RETREG1: variants seen among roughly 807,000 people sequenced by gnomAD.
RETREG1 encodes reticulophagy regulator 1, also known as family with sequence similarity 134 member B.
RETREG1 carries 44 observed loss-of-function variants against 54.8 expected under a neutral mutation model. The observed-to-expected ratio is 0.80, with a 90% confidence interval of 0.63 to 1.03. RETREG1 has a LOEUF of 1.03. Ranked by LOEUF, RETREG1 falls within the 50% of genes least tolerant of loss-of-function variation. The pLI is 0.00. For synonymous variants in RETREG1, 217 were observed against 238.5 expected (o/e 0.91, Z 0.83); for missense variants, 554 against 605.1 (o/e 0.92, Z 0.89).
chr5:16,576,341 G>A (rs555244775), intron 1 of RETREG1, among the ~76,000 whole-genome samples: 10 of 146,594 alleles, frequency 6.8e-5, no homozygotes, highest in Non-Finnish European at 1.3e-4. Flanking sequence ...TCGCCAGGCT[G>A]GAGGGCAGTG....
rs368457852 is a variant in RETREG1 at position 16,477,709 on chromosome 5, G to A, written c.953C>T (p.Thr318Ile). The change falls in exon 8 of 9, where the codon ACC becomes ATC. Residue 318 changes from threonine to isoleucine, a missense_variant. Thr to Ile is a moderately conservative substitution (Grantham distance 89). Transcript: ENST00000306320. ...AGTGTATCCTTCTGAAAGGTTGAAG[G>A]TCCCATTATCAGTCCAGGATACCTC... ...VSEVSWTDNG[T>I]FNLSEGYTPQ... is the part of the protein sequence containing the mutation. 7.8e-5 allele frequency: 126 copies of A among 1,613,006 alleles called. No homozygotes were observed. Among genetic ancestry groups the A allele is most frequent in the Non-Finnish European group, 1.0e-4 (123 of 1,179,330 alleles).
chr5:16,582,394 T>G (rs1332114244), intron 1 of RETREG1, among the ~76,000 whole-genome samples: 2 of 91,248 alleles, frequency 2.2e-5, no homozygotes, highest in African/African-American at 1.6e-4. Flanking sequence ...ATTTCTCCTA[T>G]TTTTTTTTTC....
intron 1 of RETREG1, among the ~76,000 whole-genome samples, chr5:16,610,076 C>G (rs368590788): frequency 2.0e-5 from 3 of 152,166 alleles, no homozygotes; most frequent in East Asian, 3.9e-4. Flanking sequence ...AGCCCAGGAC[C>G]TCACTTTGAG....
intron 3 of RETREG1, among the ~76,000 whole-genome samples, chr5:16,527,990 T>C (rs1352774608): frequency 2.6e-5 from 4 of 151,848 alleles, no homozygotes; most frequent in Admixed American, 6.6e-5. Context: ...TTTGTATTTT[T>C]AGTACAGACG....
At chr5:16,495,479 C>A (rs898624908) in intron 3 of RETREG1, among the ~76,000 whole-genome samples, 1 of 152,212 alleles carries the variant, frequency 6.6e-6, no homozygotes, top group African/African-American at 2.4e-5. Flanking sequence ...CCCAGGCCAC[C>A]TCTTCCCTGA....
rs564158001 is a variant in RETREG1, at chr5:16,591,237, T to C, written c.321-19135A>G. Among the ~76,000 whole-genome samples the C allele has an allele frequency of 3.9e-5, 6 of 152,318 alleles. No homozygotes were observed. The South Asian group carries it at 6.2e-4, about 16-fold the overall frequency. ...GGTTAAGAACTTGATACTTCATCATTAGTGAAACCCTTTTGTAACTCAATA... is the reference window on the plus strand; with the variant it reads ...GGTTAAGAACTTGATACTTCATCATCAGTGAAACCCTTTTGTAACTCAATA... On this transcript the variant is annotated intron_variant, in intron 1 of 8. Coordinates refer to ENST00000306320, the MANE Select transcript of RETREG1 (RefSeq NM_001034850.3).
rs1738413099 is a variant in RETREG1 at position 16,473,986 on chromosome 5, AAAC to A, written c.*752_*754del. 6.6e-6 allele frequency: 1 copy of A among 152,262 alleles called. No homozygotes were observed. The highest frequency in any genetic ancestry group is 6.5e-5 in the Admixed American group (1 of 15,278). 9.4% of individuals were successfully genotyped at this position (152,262 alleles called of 1,614,324 possible). A position where few individuals can be genotyped will look rare whatever the true frequency, so the allele number is the denominator to read the frequency against. ...ACAAACATATGACGAATGAACAACAAAACAACTGAATCTGTTTACATCATAACC... is the reference window on the plus strand; with the variant it reads ...ACAAACATATGACGAATGAACAACAAAACTGAATCTGTTTACATCATAACC... On this transcript the variant is annotated 3_prime_UTR_variant, in exon 9 of 9. Coordinates refer to ENST00000306320, the MANE Select transcript of RETREG1 (RefSeq NM_001034850.3).
At chr5:16,562,029 AC>A (rs1405702473) in intron 3 of RETREG1, among the ~76,000 whole-genome samples, 123 of 152,222 alleles carry the variant, frequency 8.1e-4, no homozygotes, top group African/African-American at 2.9e-3. Context: ...AAAGCTTAAG[AC>A]ACTGCCGGGC....
At chr5:16,494,995 C>G (rs1012730519) in intron 3 of RETREG1, among the ~76,000 whole-genome samples, 43 of 152,114 alleles carry the variant, frequency 2.8e-4, no homozygotes, top group Non-Finnish European at 5.6e-4. Context: ...AAATGAGTAT[C>G]TTATTGGGAA....
chr5:16,616,913 T>C lies in RETREG1; in HGVS notation c.59A>G (p.Glu20Gly). 1 of 1,477,974 alleles carries C rather than the reference T, an allele frequency of 6.8e-7. No individual in the cohort carries two copies. The highest frequency in any genetic ancestry group is 8.9e-7 in the Non-Finnish European group (1 of 1,121,606). The allele number at this position is 1,477,974 out of a possible 1,614,324, so 91.6% of individuals were successfully genotyped here. The part of the protein sequence containing the change: ...AEEGCPAPAA[E>G]EQAPPSPPPP... ...TGGCGGCGACGGCGGCGCCTGCTCC[T>C]CGGCGGCAGGAGCCGGGCATCCCTC... is the stretch of plus-strand genomic sequence containing the variant. Residue 20 changes from glutamate to glycine, a missense_variant, in exon 1 of 9, where the codon GAG (glutamate) becomes GGG (glycine). By Grantham distance (98) the Glu-to-Gly change is moderately conservative. Transcript: ENST00000306320.
chr5:16,503,530 G>A (rs867296571), intron 3 of RETREG1, among the ~76,000 whole-genome samples: 5 of 151,866 alleles, frequency 3.3e-5, no homozygotes, highest in South Asian at 2.1e-4. Context: ...TTAGCTGGGC[G>A]TGGTGGCAGG....
intron 3 of RETREG1, among the ~76,000 whole-genome samples, chr5:16,553,556 G>T (rs1741604453): frequency 6.6e-6 from 1 of 151,596 alleles, no homozygotes; most frequent in South Asian, 2.1e-4. Flanking sequence ...ATTAGATTTT[G>T]TTTAAATATA....
chr5:16,500,134 G>C (rs747970377), intron 3 of RETREG1, among the ~76,000 whole-genome samples: 2 of 152,170 alleles, frequency 1.3e-5, no homozygotes, highest in African/African-American at 4.8e-5. Context: ...TTGTCCATAC[G>C]AAGTGGAGCA....
At chr5:16,560,929 T>C (rs1415168344) in intron 3 of RETREG1, among the ~76,000 whole-genome samples, 1 of 152,098 alleles carries the variant, frequency 6.6e-6, no homozygotes, top group Non-Finnish European at 1.5e-5. Flanking sequence ...GAAACTGCAG[T>C]GGCCACACCG....
chr5:16,562,418 C>T (rs1741881500), intron 3 of RETREG1, among the ~76,000 whole-genome samples: 1 of 152,174 alleles, frequency 6.6e-6, no homozygotes, highest in Non-Finnish European at 1.5e-5. Context: ...AACTGCCAGC[C>T]CTGAGGTGGA....
Position 16,616,747 on chromosome 5 carries a change from C to T in RETREG1, c.225G>A (p.Pro75=), listed in dbSNP as rs990738140. 5 of 1,572,458 alleles carry T rather than the reference C, an allele frequency of 3.2e-6. No individual in the cohort carries two copies. In the African/African-American group the frequency reaches 6.8e-5, roughly 21 times the overall value. Residue 75 remains proline (P), a synonymous_variant, in exon 1 of 9, where the codon CCG becomes CCA. Coordinates refer to ENST00000306320, the MANE Select transcript of RETREG1 (RefSeq NM_001034850.3). The stretch of plus-strand genomic sequence containing the variant: ...CGGCGCGGCAGCCCAGCCACAGCAC[C>T]GGCTCCCCGAGCAGCCAGGTTACCG... The part of the protein sequence containing the change: ...AAAVTWLLGE[P]VLWLGCRADE...
chr5:16,579,402 A>G (rs248916), intron 1 of RETREG1, among the ~76,000 whole-genome samples: 127,485 of 152,144 alleles, frequency 0.84, 53,684 homozygotes, highest in Non-Finnish European at 0.9. Context: ...TGCTGGACAC[A>G]AGTGTCTGCC....
intron 3 of RETREG1, among the ~76,000 whole-genome samples, chr5:16,551,570 T>C (rs1741543840): frequency 6.6e-6 from 1 of 152,148 alleles, no homozygotes; most frequent in Non-Finnish European, 1.5e-5. Flanking sequence ...TACCACCCCA[T>C]GTCACTCTAG....
intron 3 of RETREG1, among the ~76,000 whole-genome samples, chr5:16,565,129 G>A (rs570829725): frequency 5.8e-4 from 88 of 152,312 alleles, no homozygotes; most frequent in South Asian, 4.6e-3. Flanking sequence ...AGTTGGTAGA[G>A]TGCACTGTGG....
Sources: gnomAD v4.1 joint callset for allele counts (sites outside exome capture counted in the v4.1 genomes callset) on GRCh38, gnomAD v4.1.1 for gene constraint, MANE v1.5 for transcripts, NCBI Gene and HGNC (gene_info 2026-07-23, HGNC 2026-07-21) for gene names.